Variants in GTSF1 observed in about 807,000 individuals in gnomAD.
GTSF1 encodes the protein gametocyte specific factor 1.
Under a neutral mutation model 28.9 loss-of-function variants are expected in GTSF1, and 11 were observed. That is an observed-to-expected ratio of 0.38 (90% CI 0.24 to 0.63). The LOEUF is 0.63. Ranked by LOEUF, GTSF1 falls within the 30% of genes least tolerant of loss-of-function variation. The probability of loss-of-function intolerance (pLI) is 0.56; values close to 1 mark genes in which losing one functional copy is unlikely to be tolerated. For missense variants in GTSF1, 146 were observed against 201.0 expected (o/e 0.73, Z 1.66); for synonymous variants, 69 against 65.6 (o/e 1.05, Z -0.25).
At position 54,459,129 on chromosome 12, in the gene GTSF1, C is replaced by G. The variant is rs916076782; in HGVS notation, c.488-4G>C. The G allele has an allele frequency of 6.2e-7, 1 of 1,604,392 alleles. No individual in the cohort carries two copies. Among genetic ancestry groups the G allele is most frequent in the Non-Finnish European group, 8.5e-7 (1 of 1,173,432 alleles). On this transcript the variant is annotated splice_region_variant and splice_polypyrimidine_tract_variant and intron_variant, in intron 7 of 8. Coordinates refer to ENST00000305879, the MANE Select transcript of GTSF1 (RefSeq NM_144594.3). ...TTCAGTTACTGTGCATTTCCATCTA[C>G]AAGTAGAAATATTTCAAAATAAATA...
Position 54,462,637 on chromosome 12 carries a change from C to G in GTSF1, c.328+5G>C, listed in dbSNP as rs2120751863. 6.2e-7 allele frequency: 1 copy of G among 1,608,008 alleles called. No individual in the cohort carries two copies. The highest frequency in any genetic ancestry group is 8.5e-7 in the Non-Finnish European group (1 of 1,175,256). The stretch of plus-strand genomic sequence containing the variant: ...TGTGAAGAAAAAGATGTAGAGGCAG[C>G]TCACCTTTATCCCAGTCTTCATCGC... On this transcript the variant is annotated splice_donor_5th_base_variant and intron_variant, in intron 5 of 8. Transcript: ENST00000305879.
chr12:54,460,399 C>T lies in GTSF1; in HGVS notation c.465G>A (p.Pro155=), dbSNP rs955155507. The T allele has an allele frequency of 1.2e-5, 20 of 1,612,904 alleles. No individual in the cohort carries two copies. The highest frequency in any genetic ancestry group is 1.6e-4 in the Middle Eastern group (1 of 6,084). ...ASGMRVPKSL[P]YVLPWKNNGN... Reference sequence around the variant, plus strand: ...TACTGTTTTTCCATGGCAGAACATACGGCAGAGATTTGGGAACTCGCATGC... The same window carrying T: ...TACTGTTTTTCCATGGCAGAACATATGGCAGAGATTTGGGAACTCGCATGC... Residue 155 remains proline, a synonymous_variant, in exon 7 of 9, where the codon CCG becomes CCA. Coordinates refer to ENST00000305879, the MANE Select transcript of GTSF1 (RefSeq NM_144594.3).
intron 2 of GTSF1, chr12:54,466,981 CAT>C (rs916045168): frequency 6.6e-6 from 1 of 151,944 alleles, no homozygotes; most frequent in African/African-American, 2.4e-5. Flanking sequence ...ATTAAAAACA[CAT>C]ATAAAATTTA....
At chr12:54,456,556 G>T (rs1014511261) in intron 8 of GTSF1, among the ~76,000 whole-genome samples, 1 of 152,128 alleles carries the variant, frequency 6.6e-6, no homozygotes, top group Non-Finnish European at 1.5e-5. Context: ...TAGGGGACAA[G>T]AATTGGTATG....
At position 54,471,152 on chromosome 12, in the gene GTSF1, A is replaced by T. The variant is rs797020100; in HGVS notation, c.16+81T>A. On this transcript the variant is annotated intron_variant, in intron 2 of 8. Coordinates refer to ENST00000305879, the MANE Select transcript of GTSF1 (RefSeq NM_144594.3). ...CAGTTGAGAAGTCCGACTTCTTCCCAGCACACTAAAAGTCTTGTCAGATAT... is the reference window on the plus strand; with the variant it reads ...CAGTTGAGAAGTCCGACTTCTTCCCTGCACACTAAAAGTCTTGTCAGATAT... The T allele has an allele frequency of 1.4e-5, 16 of 1,138,048 alleles. 1 individual carries two copies. The African/African-American group carries it at 2.4e-4, about 17-fold the overall frequency. 70.5% of individuals were successfully genotyped at this position (1,138,048 alleles called of 1,614,324 possible). A position where few individuals can be genotyped will look rare whatever the true frequency, so the allele number is the denominator to read the frequency against.
Position 54,456,141 on chromosome 12 carries a change from T to C in GTSF1, c.*33A>G, listed in dbSNP as rs2120709525. 1 of 152,718 alleles carries C rather than the reference T, an allele frequency of 6.5e-6. No individual in the cohort carries two copies. The highest frequency in any genetic ancestry group is 1.9e-4 in the East Asian group (1 of 5,184). 9.5% of individuals were successfully genotyped at this position (152,718 alleles called of 1,614,324 possible). A position where few individuals can be genotyped will look rare whatever the true frequency, so the allele number is the denominator to read the frequency against. On this transcript the variant is annotated 3_prime_UTR_variant, in exon 9 of 9. Transcript: ENST00000305879. Reference sequence around the variant, plus strand: ...GGTAGAAGAAGAAGCAACAGTCTTCTAGGGTCTGGCATCTGCAAGTAAATG... The same window carrying C: ...GGTAGAAGAAGAAGCAACAGTCTTCCAGGGTCTGGCATCTGCAAGTAAATG...
chr12:54,470,438 G>C (rs888709601), intron 2 of GTSF1, among the ~76,000 whole-genome samples: 5 of 152,180 alleles, frequency 3.3e-5, no homozygotes, highest in Non-Finnish European at 5.9e-5. Flanking sequence ...TGTAGTTTCT[G>C]TATTTTGGAG....
rs1956430545 is a variant in GTSF1, at chr12:54,462,003, G to C, written c.392+106C>G. 9 of 754,988 alleles carry C rather than the reference G, an allele frequency of 1.2e-5. No individual in the cohort carries two copies. In the Admixed American group the frequency reaches 1.9e-4, roughly 16 times the overall value. 46.8% of individuals were successfully genotyped at this position (754,988 alleles called of 1,614,324 possible). On this transcript the variant is annotated intron_variant, in intron 6 of 8. Coordinates refer to ENST00000305879, the MANE Select transcript of GTSF1 (RefSeq NM_144594.3). ...AATATCTAGACTAAACTACCATCAA[G>C]GAACATCGTTAAAGAAAGTGGTCAA... is the stretch of plus-strand genomic sequence containing the variant.
chr12:54,461,972 C>T, intron 6 of GTSF1, 137 bp downstream of exon 6: 1 of 611,238 alleles, frequency 1.6e-6, no homozygotes. Context: ...GAAAAAATGC[C>T]AAAACAATAT....
intron 3 of GTSF1, 36 bp from the exon 4 acceptor site, chr12:54,463,333 T>C (rs778484884): frequency 1.1e-5 from 18 of 1,610,828 alleles, no homozygotes; most frequent in Non-Finnish European, 1.5e-5. Context: ...GTCAGTTCTC[T>C]GGATCTACTA....
At chr12:54,469,684 T>C (rs1233087531) in intron 2 of GTSF1, among the ~76,000 whole-genome samples, 15 of 106,506 alleles carry the variant, frequency 1.4e-4, no homozygotes, top group Non-Finnish European at 2.7e-4. Context: ...CGAGACTCCT[T>C]CTCAAAAAAA....
rs368778057 is a variant in GTSF1, at chr12:54,473,263, A to AAAC, written c.-30+280_-30+282dup. ...GTAAAAGAATCATTTTTCTTCCTTT[A>AAAC]AACAACAACAACAACAACAAAATCA... On this transcript the variant is annotated intron_variant, in intron 1 of 8. Transcript: ENST00000305879. 1.3e-3 allele frequency among the ~76,000 whole-genome samples: 197 copies of AAAC among 152,194 alleles called. 1 individual carries two copies. The highest frequency in any genetic ancestry group is 6.8e-3 in the Middle Eastern group (2 of 294).
intron 5 of GTSF1, among the ~76,000 whole-genome samples, chr12:54,462,389 A>G (rs1172348008): frequency 6.6e-6 from 1 of 152,230 alleles, no homozygotes; most frequent in Non-Finnish European, 1.5e-5. Flanking sequence ...CCTACTAACA[A>G]TCAAACACAG....
intron 7 of GTSF1, 73 bp downstream of exon 7, chr12:54,460,304 A>C (rs1956402166): frequency 8.9e-7 from 1 of 1,129,286 alleles, no homozygotes; most frequent in South Asian, 1.3e-5. Context: ...GACTGAACAC[A>C]TCTGAATAAT....
intron 1 of GTSF1, among the ~76,000 whole-genome samples, 156 bp from the exon 2 acceptor site, chr12:54,471,433 A>C (rs939606142): frequency 3.3e-5 from 5 of 152,186 alleles, no homozygotes; most frequent in African/African-American, 9.7e-5. Flanking sequence ...TTCTCTTTAA[A>C]GCATTCTTCT....
rs199513914 is a variant in GTSF1, at chr12:54,462,751, A to G, written c.245-26T>C. 2.4e-5 allele frequency: 38 copies of G among 1,583,304 alleles called. No homozygotes were observed. In the East Asian group the frequency reaches 8.5e-4, roughly 35 times the overall value. ...CTGCAAGACAATAAAGATTGGATAT[A>G]AGAGGGGGATATTGCCAAGTTATTG... On this transcript the variant is annotated intron_variant, in intron 4 of 8. Coordinates refer to ENST00000305879, the MANE Select transcript of GTSF1 (RefSeq NM_144594.3).
chr12:54,462,615 G>A (rs1229674626), intron 5 of GTSF1, 27 bp downstream of exon 5: 3 of 1,565,964 alleles, frequency 1.9e-6, no homozygotes, highest in Non-Finnish European at 2.6e-6. Context: ...TAGACATTGT[G>A]AAGAAAAAGA....
chr12:54,467,400 C>T lies in GTSF1; in HGVS notation c.17-2233G>A, dbSNP rs372609421. Among the ~76,000 whole-genome samples, 44 of 151,958 alleles carry T rather than the reference C, an allele frequency of 2.9e-4. No homozygotes were observed. In the South Asian group the frequency reaches 6.0e-3, roughly 21 times the overall value. On this transcript the variant is annotated intron_variant, in intron 2 of 8. Coordinates refer to ENST00000305879, the MANE Select transcript of GTSF1 (RefSeq NM_144594.3). Reference sequence around the variant, plus strand: ...CACGATCTTGGCTCACTGCAACCTCCACCGCCTGGGTTCATGTGGTTCTCC... The same window carrying T: ...CACGATCTTGGCTCACTGCAACCTCTACCGCCTGGGTTCATGTGGTTCTCC...
chr12:54,457,814 C>G (rs1017141680), intron 8 of GTSF1, among the ~76,000 whole-genome samples: 1 of 152,130 alleles, frequency 6.6e-6, no homozygotes, highest in African/African-American at 2.4e-5. Context: ...GGACCAAATC[C>G]CATTTTCTGG....
Sources: gnomAD v4.1 joint callset for allele counts (sites outside exome capture counted in the v4.1 genomes callset) on GRCh38, gnomAD v4.1.1 for gene constraint, MANE v1.5 for transcripts, NCBI Gene and HGNC (gene_info 2026-07-23, HGNC 2026-07-21) for gene names.